The following HECTD2 variants were observed in gnomAD, a reference collection of about 807,000 sequenced individuals.
HECTD2 encodes the protein HECT domain E3 ubiquitin protein ligase 2.
Under a neutral mutation model 103.2 loss-of-function variants are expected in HECTD2, and 35 were observed. The observed-to-expected ratio is 0.34, with a 90% CI of 0.26 to 0.45. The LOEUF (loss-of-function observed/expected upper bound fraction) is 0.45. Ranked by LOEUF, HECTD2 falls within the 20% of genes least tolerant of loss-of-function variation. The probability of loss-of-function intolerance (pLI) is 1.00; values close to 1 mark genes in which losing one functional copy is unlikely to be tolerated. For missense variants in HECTD2, 596 were observed against 937.4 expected, an observed-to-expected ratio of 0.64 and a Z score of 4.76; for synonymous variants, 281 against 329.9, an observed-to-expected ratio of 0.85 and a Z score of 1.61.
Position 91,503,756 on chromosome 10 carries a change from G to T in HECTD2, c.2210+2422G>T, listed in dbSNP as rs182122402. ...GGTAAACGAAGCAGCCAGGAAGCTC[G>T]AACTGGGTGGAACCCACCACAGCTC... On this transcript the variant is annotated intron_variant, in intron 20 of 20. Coordinates refer to ENST00000298068, the MANE Select transcript of HECTD2 (RefSeq NM_182765.6). 6.0e-3 allele frequency among the ~76,000 whole-genome samples: 915 copies of T among 152,288 alleles called. 5 individuals are homozygous for T. Among genetic ancestry groups the T allele is most frequent in the Non-Finnish European group, 8.8e-3 (596 of 68,030 alleles).
intron 2 of HECTD2, among the ~76,000 whole-genome samples, chr10:91,455,983 G>A (rs1845071254): frequency 6.6e-6 from 1 of 152,112 alleles, no homozygotes; most frequent in Non-Finnish European, 1.5e-5. Flanking sequence ...TAGCCTTGTA[G>A]TATAGTTTGA....
chr10:91,428,330 T>C (rs1843668330), intron 2 of HECTD2, among the ~76,000 whole-genome samples: 1 of 151,340 alleles, frequency 6.6e-6, no homozygotes, highest in Non-Finnish European at 1.5e-5. Flanking sequence ...AGCTTTGTTC[T>C]TTTGGCTTAG....
chr10:91,472,918 G>A (rs947503981), intron 5 of HECTD2, among the ~76,000 whole-genome samples: 12 of 152,226 alleles, frequency 7.9e-5, no homozygotes, highest in South Asian at 4.2e-4. Context: ...GAAGGTAGAA[G>A]TGAAGAAGAA....
At chr10:91,430,084 G>T (rs1843771548) in intron 2 of HECTD2, among the ~76,000 whole-genome samples, 1 of 152,152 alleles carries the variant, frequency 6.6e-6, no homozygotes, top group Admixed American at 6.5e-5. Flanking sequence ...TTGTATCTTT[G>T]TTCTTGTTGG....
chr10:91,503,285 G>T (rs960255907), intron 20 of HECTD2, among the ~76,000 whole-genome samples: 1 of 152,178 alleles, frequency 6.6e-6, no homozygotes, highest in Non-Finnish European at 1.5e-5. Context: ...CAAGATGGCC[G>T]AATAGGAACA....
intron 1 of HECTD2, among the ~76,000 whole-genome samples, chr10:91,421,928 C>T (rs1189471387): frequency 6.6e-6 from 1 of 152,204 alleles, no homozygotes; most frequent in Non-Finnish European, 1.5e-5. Flanking sequence ...TCGCTGTTAA[C>T]AATTTGGTCA....
chr10:91,432,749 T>A (rs2133074047), intron 2 of HECTD2, among the ~76,000 whole-genome samples: 1 of 152,098 alleles, frequency 6.6e-6, no homozygotes. Flanking sequence ...AGCAAGCTCA[T>A]AGCCAGCTCA....
intron 20 of HECTD2, among the ~76,000 whole-genome samples, chr10:91,511,518 C>T (rs1359032843): frequency 2.0e-5 from 3 of 152,044 alleles, no homozygotes; most frequent in Non-Finnish European, 4.4e-5. Context: ...CACCAGGGAT[C>T]GGTTTTGTGG....
At chr10:91,473,391 G>T (rs1845796893) in intron 5 of HECTD2, among the ~76,000 whole-genome samples, 2 of 152,098 alleles carry the variant, frequency 1.3e-5, no homozygotes, top group South Asian at 4.1e-4. Flanking sequence ...GTGACTTAAA[G>T]ATATTTAAAA....
chr10:91,508,069 A>G (rs1285440307), intron 20 of HECTD2, among the ~76,000 whole-genome samples: 10 of 113,428 alleles, frequency 8.8e-5, no homozygotes, highest in South Asian at 2.8e-4. Flanking sequence ...GGCTAGCCAT[A>G]TGTAGAAAGC....
At chr10:91,500,025 T>C (rs1589547063) in intron 18 of HECTD2, among the ~76,000 whole-genome samples, 2 of 152,280 alleles carry the variant, frequency 1.3e-5, no homozygotes, top group South Asian at 4.1e-4. Context: ...TAGCATAGCA[T>C]GGTCTCTGTG....
At chr10:91,474,300 G>A (rs1265989703) in intron 5 of HECTD2, among the ~76,000 whole-genome samples, 2 of 152,106 alleles carry the variant, frequency 1.3e-5, no homozygotes, top group Non-Finnish European at 2.9e-5. Flanking sequence ...ATTGAATAAC[G>A]AATATAAATG....
At chr10:91,423,157 AAGCCCTTAATTAGTGAC>A (rs1843423662) in intron 1 of HECTD2, among the ~76,000 whole-genome samples, 1 of 152,142 alleles carries the variant, frequency 6.6e-6, no homozygotes, top group African/African-American at 2.4e-5. Flanking sequence ...GTCACATGTT[AAGCCCTTAATTAGTGAC>A]AGCTGCTATA....
chr10:91,495,000 C>T (rs1311882619), intron 14 of HECTD2, among the ~76,000 whole-genome samples: 1 of 151,536 alleles, frequency 6.6e-6, no homozygotes, highest in Admixed American at 6.6e-5. Context: ...TTAGTCATTA[C>T]CCAAAAGAGC....
intron 15 of HECTD2, among the ~76,000 whole-genome samples, chr10:91,496,838 TTAAAA>T (rs1269194600): frequency 1.3e-5 from 2 of 152,008 alleles, no homozygotes; most frequent in East Asian, 3.8e-4. Context: ...TTCTAATAAT[TTAAAA>T]TAAAACTTTA....
chr10:91,432,388 G>C (rs1317527664), intron 2 of HECTD2, among the ~76,000 whole-genome samples: 2 of 151,894 alleles, frequency 1.3e-5, no homozygotes, highest in Non-Finnish European at 2.9e-5. Flanking sequence ...CCTCCCTGTG[G>C]ATCACATGAC....
At chr10:91,495,383 A>T (rs186076373) in intron 14 of HECTD2, among the ~76,000 whole-genome samples, 3 of 152,070 alleles carry the variant, frequency 2.0e-5, no homozygotes, top group African/African-American at 7.2e-5. Flanking sequence ...ATCAGACTTC[A>T]TTACACCTTA....
At chr10:91,500,366 A>AGG in intron 18 of HECTD2, 136 bp from the exon 19 acceptor site, 1 of 511,006 alleles carries the variant, frequency 2.0e-6, no homozygotes, top group Non-Finnish European at 3.5e-6. Flanking sequence ...CCCAGAGTCG[A>AGG]TTTTTCTTCA....
chr10:91,416,259 C>T (rs1843122260), intron 1 of HECTD2, among the ~76,000 whole-genome samples: 2 of 152,168 alleles, frequency 1.3e-5, no homozygotes, highest in Admixed American at 6.5e-5. Context: ...ATTGAACCTA[C>T]TGCATAAGGT....
Sources: gnomAD v4.1 joint callset for allele counts (sites outside exome capture counted in the v4.1 genomes callset) on GRCh38, gnomAD v4.1.1 for gene constraint, MANE v1.5 for transcripts, NCBI Gene and HGNC (gene_info 2026-07-23, HGNC 2026-07-21) for gene names.